CERS3: variants seen among roughly 807,000 people sequenced by gnomAD.
The protein encoded by CERS3 is LAG1 homolog, ceramide synthase 3.
In CERS3, 33 loss-of-function variants were observed where a neutral mutation model predicts 50.3. The ratio of observed to expected loss-of-function variants is 0.66; its 90% CI spans 0.50 to 0.88. The LOEUF (loss-of-function observed/expected upper bound fraction) is 0.88. Ranked by LOEUF, CERS3 falls within the 40% of genes least tolerant of loss-of-function variation. The pLI, the probability that CERS3 is intolerant of heterozygous loss-of-function variation, is 0.00. For synonymous variants in CERS3, 176 were observed against 155.2 expected, an observed-to-expected ratio of 1.13 and a Z score of -0.99; for missense variants, 470 against 460.3, an observed-to-expected ratio of 1.02 and a Z score of -0.19.
intron 10 of CERS3, among the ~76,000 whole-genome samples, chr15:100,456,539 T>C (rs1319762183): frequency 6.6e-6 from 1 of 152,244 alleles, no homozygotes; most frequent in Non-Finnish European, 1.5e-5. Context: ...CCATGAGTAC[T>C]TAACACTTCT....
rs2035439491 is a variant in CERS3, at chr15:100,484,809, T to A, written c.289-141A>T. ...GTCATGAGACCTGGAGCCAGGGAAT[T>A]TACCTCTTTTGCTTATGGAATCACA... On this transcript the variant is annotated intron_variant, in intron 4 of 11. Coordinates refer to ENST00000679737, the MANE Select transcript of CERS3 (RefSeq NM_001378789.1). 3.4e-5 allele frequency: 22 copies of A among 649,952 alleles called. No homozygotes were observed. In the East Asian group the frequency reaches 5.7e-4, roughly 17 times the overall value. The allele number at this position is 649,952 out of a possible 1,614,324, so 40.3% of individuals were successfully genotyped here.
In CERS3 at chr15:100,479,583, G is replaced by A. The variant is rs1171992602; in HGVS notation, c.466-105C>T. On this transcript the variant is annotated intron_variant, in intron 6 of 11. Transcript: ENST00000679737. Reference sequence around the variant, plus strand: ...TAAGCTCTTCCTTATGTCATTTACAGCAGGCAAAGATGCACAGGAAATTGA... The same window carrying A: ...TAAGCTCTTCCTTATGTCATTTACAACAGGCAAAGATGCACAGGAAATTGA... 83 of 793,068 alleles carry A rather than the reference G, an allele frequency of 1.0e-4. 2 individuals are homozygous for A. In the South Asian group the frequency reaches 1.4e-3, roughly 13 times the overall value. The allele number at this position is 793,068 out of a possible 1,614,324, so 49.1% of individuals were successfully genotyped here.
intron 11 of CERS3, among the ~76,000 whole-genome samples, chr15:100,432,046 G>A (rs1222608377): frequency 6.8e-6 from 1 of 146,520 alleles, no homozygotes; most frequent in Non-Finnish European, 1.5e-5. Context: ...GCATACTCCT[G>A]AGTTCCTTTA....
At chr15:100,495,841 ACTT>A (rs1485601606) in intron 3 of CERS3, among the ~76,000 whole-genome samples, 1 of 152,344 alleles carries the variant, frequency 6.6e-6, no homozygotes, top group Middle Eastern at 3.4e-3. Flanking sequence ...ATATAAAATG[ACTT>A]CTTAGTACAT....
At chr15:100,465,682 G>T (rs1394125542) in intron 10 of CERS3, among the ~76,000 whole-genome samples, 1 of 149,986 alleles carries the variant, frequency 6.7e-6, no homozygotes, top group South Asian at 2.1e-4. Context: ...TTTTGAGATG[G>T]AGTTTCACTC....
intron 11 of CERS3, among the ~76,000 whole-genome samples, chr15:100,453,089 T>A (rs1202999624): frequency 6.9e-6 from 1 of 144,280 alleles, no homozygotes; most frequent in Admixed American, 7.2e-5. Flanking sequence ...TTTACAGCAA[T>A]TCTCCTTAAA....
intron 11 of CERS3, among the ~76,000 whole-genome samples, chr15:100,406,010 C>T (rs548723574): frequency 1.3e-5 from 2 of 152,292 alleles, no homozygotes; most frequent in African/African-American, 4.8e-5. Context: ...GACAGTTACT[C>T]ATTATGAGTT....
At position 100,476,102 on chromosome 15, in the gene CERS3, A is replaced by C. The variant is rs2035118684; in HGVS notation, c.593T>G (p.Phe198Cys). The stretch of plus-strand genomic sequence containing the variant: ...GACACTTACCTTTCTCTTGACATCA[A>C]AGCCAAGTCTAAATAACAGAGACCA... The part of the protein sequence containing the change: ...FYWSLLFRLG[F>C]DVKRKDFLAH... Residue 198 changes from phenylalanine to cysteine, a missense_variant, in exon 8 of 12, where the codon TTT (phenylalanine) becomes TGT (cysteine). Phe to Cys is a radical substitution (Grantham distance 205, BLOSUM62 -2). Coordinates refer to ENST00000679737, the MANE Select transcript of CERS3 (RefSeq NM_001378789.1). The C allele has an allele frequency of 6.4e-7, 1 of 1,567,254 alleles. No individual in the cohort carries two copies. The highest frequency in any genetic ancestry group is 8.6e-7 in the Non-Finnish European group (1 of 1,163,258).
intron 11 of CERS3, among the ~76,000 whole-genome samples, chr15:100,443,571 CT>C (rs2033800881): frequency 6.7e-6 from 1 of 149,716 alleles, no homozygotes; most frequent in Non-Finnish European, 1.5e-5. Flanking sequence ...CCTTTGCACC[CT>C]TCATCCCAGC....
At chr15:100,462,054 A>G (rs2034567207) in intron 10 of CERS3, among the ~76,000 whole-genome samples, 1 of 152,216 alleles carries the variant, frequency 6.6e-6, no homozygotes, top group African/African-American at 2.4e-5. Context: ...GTGCAGGCAC[A>G]TGCATAGAAC....
chr15:100,475,838 G>T, intron 8 of CERS3: 1 of 214,476 alleles, frequency 4.7e-6, no homozygotes, highest in Non-Finnish European at 9.2e-6. Flanking sequence ...TAAAGGAAAT[G>T]TTTTTTTTCT....
chr15:100,476,031 G>C, intron 8 of CERS3, 55 bp downstream of exon 8: 1 of 1,204,034 alleles, frequency 8.3e-7, no homozygotes, highest in South Asian at 1.4e-5. Context: ...TTGGGGCAGG[G>C]AGATGGCAAT....
chr15:100,430,389 T>C (rs112790888), intron 11 of CERS3, among the ~76,000 whole-genome samples: 12,614 of 152,078 alleles, frequency 0.083, 712 homozygotes, highest in Non-Finnish European at 0.13. Flanking sequence ...TACATTCTAA[T>C]GTTAATAAGA....
chr15:100,454,489 T>C (rs2034293314), intron 11 of CERS3, among the ~76,000 whole-genome samples: 4 of 150,748 alleles, frequency 2.7e-5, no homozygotes, highest in African/African-American at 4.9e-5. Context: ...GTGGGGAAAA[T>C]TGGATATCCA....
chr15:100,457,349 C>T (rs968410419), intron 10 of CERS3, among the ~76,000 whole-genome samples: 55 of 152,334 alleles, frequency 3.6e-4, no homozygotes, highest in African/African-American at 1.3e-3. Context: ...GCCACACCCT[C>T]CTCCACACAT....
chr15:100,405,620 C>T (rs1481568510), intron 11 of CERS3, among the ~76,000 whole-genome samples: 2 of 152,144 alleles, frequency 1.3e-5, no homozygotes, highest in Non-Finnish European at 2.9e-5. Context: ...ACATGAATAT[C>T]ATTTTCATGA....
intron 10 of CERS3, among the ~76,000 whole-genome samples, chr15:100,457,464 A>C (rs1352491327): frequency 6.6e-6 from 1 of 152,236 alleles, no homozygotes; most frequent in South Asian, 2.1e-4. Context: ...TTCACACAGC[A>C]TAATGCTTTT....
At chr15:100,439,422 A>T (rs1463502376) in intron 11 of CERS3, among the ~76,000 whole-genome samples, 2 of 152,032 alleles carry the variant, frequency 1.3e-5, no homozygotes, top group East Asian at 3.8e-4. Context: ...GCATATTTAA[A>T]GTTACTTACT....
intron 11 of CERS3, among the ~76,000 whole-genome samples, chr15:100,425,696 G>A (rs2032769570): frequency 6.6e-6 from 1 of 152,182 alleles, no homozygotes; most frequent in African/African-American, 2.4e-5. Context: ...ATGCTAAAAT[G>A]AGTTGAGACT....
Sources: allele counts gnomAD v4.1 joint callset (sites outside exome capture counted in the v4.1 genomes callset), GRCh38; gene constraint gnomAD v4.1.1; transcripts MANE v1.5; gene names NCBI Gene and HGNC (gene_info 2026-07-23, HGNC 2026-07-21).